MRGBP: variants seen among roughly 807,000 people sequenced by gnomAD.
MRGBP encodes the protein MRG/MORF4L-binding protein.
In MRGBP, 5 loss-of-function variants were observed where a neutral mutation model predicts 21.5. The ratio of observed to expected loss-of-function variants is 0.23; its 90% confidence interval spans 0.12 to 0.49. The LOEUF (loss-of-function observed/expected upper bound fraction) is 0.49. MRGBP is among the 20% of genes least tolerant of loss of function. MRGBP has a pLI of 0.98. For synonymous variants in MRGBP, 118 were observed against 104.4 expected (o/e 1.13, Z -0.79); for missense variants, 227 against 277.4 (o/e 0.82, Z 1.29).
In MRGBP at chr20:62,799,779, G is replaced by C. The variant is rs1490074372; in HGVS notation, c.*136G>C. 1.0e-6 allele frequency: 1 copy of C among 968,508 alleles called. No individual in the cohort carries two copies. The highest frequency in any genetic ancestry group is 1.5e-6 in the Non-Finnish European group (1 of 671,870). 60.0% of individuals were successfully genotyped at this position (968,508 alleles called of 1,614,324 possible). On this transcript the variant is annotated 3_prime_UTR_variant, in exon 5 of 5. Coordinates refer to ENST00000370487, the MANE Select transcript of MRGBP (RefSeq NM_018270.6). ...ATGAGCCCACACTGCCCGCCCTCAG[G>C]CTCTCAGGTGAACGTGGCCGTCAGC... is the stretch of plus-strand genomic sequence containing the variant.
chr20:62,799,378 A>ATTTT, intron 4 of MRGBP, 78 bp from the exon 5 acceptor site: 1 of 1,492,280 alleles, frequency 6.7e-7, no homozygotes, highest in Non-Finnish European at 9.1e-7. Flanking sequence ...CAGTATGCAG[A>ATTTT]TTTTTTTAAC....
Position 62,798,627 on chromosome 20 carries a change from A to G in MRGBP, c.311A>G (p.Asn104Ser). The G allele has an allele frequency of 6.2e-7, 1 of 1,613,852 alleles. No individual in the cohort carries two copies. Among genetic ancestry groups the G allele is most frequent in the Non-Finnish European group, 8.5e-7 (1 of 1,179,904 alleles). ...EILPFPNPERNFVLPEEIIQE... is the reference protein window; with the variant it reads ...EILPFPNPERSFVLPEEIIQE... ...CTTCCATTCCCGAATCCAGAGAGGA[A>G]CTTCGTCCTTCCAGAAGAGATCATT... Residue 104 changes from asparagine to serine, a missense_variant, in exon 3 of 5, where the codon AAC becomes AGC. Asn to Ser is a conservative substitution (Grantham distance 46). Coordinates refer to ENST00000370487, the MANE Select transcript of MRGBP (RefSeq NM_018270.6).
In MRGBP at chr20:62,799,773, CCTCAGGCT is replaced by C; in HGVS notation, c.*137_*144del. The C allele has an allele frequency of 9.7e-7, 1 of 1,026,094 alleles. No homozygotes were observed. Among genetic ancestry groups the C allele is most frequent in the South Asian group, 1.6e-5 (1 of 60,684 alleles). 63.6% of individuals were successfully genotyped at this position (1,026,094 alleles called of 1,614,324 possible). ...AGTGCCATGAGCCCACACTGCCCGC[CCTCAGGCT>C]CTCAGGTGAACGTGGCCGTCAGCGG... On this transcript the variant is annotated 3_prime_UTR_variant, in exon 5 of 5. Transcript: ENST00000370487.
intron 1 of MRGBP, 48 bp from the exon 2 acceptor site, chr20:62,797,062 T>A: frequency 9.9e-6 from 13 of 1,315,172 alleles, no homozygotes; most frequent in East Asian, 7.6e-5. Flanking sequence ...CTCCATCCCC[T>A]TTCTCCTCAC....
chr20:62,800,766 G>A lies in MRGBP; in HGVS notation c.*1123G>A, dbSNP rs1006984117. 4.6e-5 allele frequency: 7 copies of A among 152,336 alleles called. No individual in the cohort carries two copies. Among genetic ancestry groups the A allele is most frequent in the African/African-American group, 1.7e-4 (7 of 41,574 alleles). 9.4% of individuals were successfully genotyped at this position (152,336 alleles called of 1,614,324 possible). On this transcript the variant is annotated 3_prime_UTR_variant, in exon 5 of 5. Coordinates refer to ENST00000370487, the MANE Select transcript of MRGBP (RefSeq NM_018270.6). ...ATTCTGAGTGGTTATTTTGTGGACT[G>A]TGACAAGCACTTCAAATACAAAATG...
intron 1 of MRGBP, 30 bp from the exon 2 acceptor site, chr20:62,797,080 C>A: frequency 6.3e-7 from 1 of 1,576,352 alleles, no homozygotes; most frequent in Non-Finnish European, 8.6e-7. Flanking sequence ...CACCGCTCAC[C>A]GGTTATCCCG....
intron 1 of MRGBP, 64 bp from the exon 2 acceptor site, chr20:62,797,046 C>T (rs564388423): frequency 1.5e-5 from 22 of 1,517,140 alleles, no homozygotes; most frequent in African/African-American, 1.4e-5. Flanking sequence ...CAGGGCAGCC[C>T]GTCCCCTCCA....
In MRGBP at chr20:62,797,225, G is replaced by A. The variant is rs749137364; in HGVS notation, c.264G>A (p.Gln88=). ...ATCTGAGCACCATGTACGACATGCA[G>A]GCGCTGGTGAGCCCAACCGCCCTCC... ...WDHLSTMYDM[Q]ALHESEILPF... is the part of the protein sequence containing the mutation. Residue 88 remains glutamine, a synonymous_variant, in exon 2 of 5, where the codon CAG becomes CAA. Transcript: ENST00000370487. The A allele has an allele frequency of 6.3e-7, 1 of 1,585,356 alleles. No homozygotes were observed. Among genetic ancestry groups the A allele is most frequent in the Non-Finnish European group, 8.6e-7 (1 of 1,167,250 alleles).
rs762981386 is a variant in MRGBP at position 62,801,727 on chromosome 20, C to T, written c.*2084C>T. 3.9e-5 allele frequency: 6 copies of T among 152,266 alleles called. No individual in the cohort carries two copies. The East Asian group carries it at 7.7e-4, about 20-fold the overall frequency. 9.4% of individuals were successfully genotyped at this position (152,266 alleles called of 1,614,324 possible). A position where few individuals can be genotyped will look rare whatever the true frequency, so the allele number is the denominator to read the frequency against. ...CCTAGTTAATAAATCTGCCTCATCT[C>T]GATTACTGTAACATTTTGCTGCACT... On this transcript the variant is annotated 3_prime_UTR_variant, in exon 5 of 5. Coordinates refer to ENST00000370487, the MANE Select transcript of MRGBP (RefSeq NM_018270.6).
In MRGBP at chr20:62,797,096, C is replaced by T. The variant is rs1399374912; in HGVS notation, c.149-14C>T. On this transcript the variant is annotated splice_polypyrimidine_tract_variant and intron_variant, in intron 1 of 4. Coordinates refer to ENST00000370487, the MANE Select transcript of MRGBP (RefSeq NM_018270.6). ...ACCGCTCACCGGTTATCCCGCCGCC[C>T]CTCCTCCCCTCAGGTGTGAACCGAC... is the stretch of plus-strand genomic sequence containing the variant. The T allele has an allele frequency of 1.9e-6, 3 of 1,588,882 alleles. No individual in the cohort carries two copies. Among genetic ancestry groups the T allele is most frequent in the Non-Finnish European group, 1.7e-6 (2 of 1,169,314 alleles).
intron 1 of MRGBP, 61 bp from the exon 2 acceptor site, chr20:62,797,049 C>T (rs1185165528): frequency 8.0e-6 from 12 of 1,498,238 alleles, no homozygotes; most frequent in African/African-American, 5.9e-5. Flanking sequence ...GGCAGCCCGT[C>T]CCCTCCATCC....
Position 62,797,190 on chromosome 20 carries a change from A to G in MRGBP, c.229A>G (p.Ile77Val). Residue 77 changes from isoleucine to valine, a missense_variant, in exon 2 of 5, where the codon ATC becomes GTC. Physicochemically the swap from Ile to Val is conservative, Grantham distance 29. Around this residue, in one of 2 missense-constraint regions of MRGBP, gnomAD observed 162 missense variants for 227.7 expected, o/e 0.71. Coordinates refer to ENST00000370487, the MANE Select transcript of MRGBP (RefSeq NM_018270.6). ...NIGRQVPSKV[I>V]WDHLSTMYDM... ...CGGGCGGCAGGTCCCATCCAAGGTCATCTGGGACCATCTGAGCACCATGTA... is the reference window on the plus strand; with the variant it reads ...CGGGCGGCAGGTCCCATCCAAGGTCGTCTGGGACCATCTGAGCACCATGTA... 1 of 1,603,952 alleles carries G rather than the reference A, an allele frequency of 6.2e-7. No homozygotes were observed. Among genetic ancestry groups the G allele is most frequent in the Non-Finnish European group, 8.5e-7 (1 of 1,176,456 alleles).
At chr20:62,797,541 G>C (rs1600763833) in intron 2 of MRGBP, among the ~76,000 whole-genome samples, 1 of 152,232 alleles carries the variant, frequency 6.6e-6, no homozygotes, top group East Asian at 1.9e-4. Context: ...CTAGCAGCTG[G>C]CTAGCTTTTC....
intron 2 of MRGBP, among the ~76,000 whole-genome samples, chr20:62,798,251 G>A (rs193112463): frequency 9.8e-5 from 15 of 152,300 alleles, no homozygotes; most frequent in African/African-American, 2.6e-4. Context: ...ACTGCAGGCC[G>A]TGCTGGGCAG....
Position 62,797,184 on chromosome 20 carries a change from A to C in MRGBP, c.223A>C (p.Lys75Gln). 1 of 1,605,314 alleles carries C rather than the reference A, an allele frequency of 6.2e-7. No individual in the cohort carries two copies. The highest frequency in any genetic ancestry group is 1.1e-5 in the South Asian group (1 of 90,216). Residue 75 changes from lysine to glutamine, a missense_variant, in exon 2 of 5, where the codon AAG becomes CAG. This residue lies in a region of MRGBP where 162 missense variants were observed against 227.7 expected (regional missense o/e 0.71). Coordinates refer to ENST00000370487, the MANE Select transcript of MRGBP (RefSeq NM_018270.6). ...SQNIGRQVPS[K>Q]VIWDHLSTMY... ...GAACATCGGGCGGCAGGTCCCATCCAAGGTCATCTGGGACCATCTGAGCAC... is the reference window on the plus strand; with the variant it reads ...GAACATCGGGCGGCAGGTCCCATCCCAGGTCATCTGGGACCATCTGAGCAC...
rs527666402 is a variant in MRGBP at position 62,797,883 on chromosome 20, G to T, written c.270+652G>T. 9.8e-4 allele frequency among the ~76,000 whole-genome samples: 149 copies of T among 152,262 alleles called. 1 individual carries two copies. The highest frequency in any genetic ancestry group is 2.0e-3 in the Admixed American group (30 of 15,300). On this transcript the variant is annotated intron_variant, in intron 2 of 4. Coordinates refer to ENST00000370487, the MANE Select transcript of MRGBP (RefSeq NM_018270.6). ...GCAGCAGGAGGTGGTGGGTCCAGGA[G>T]CTCAAAGAAGGTGGTGTACTTGGAG...
chr20:62,797,374 T>A, intron 2 of MRGBP, 143 bp downstream of exon 2: 1 of 1,182,950 alleles, frequency 8.5e-7, no homozygotes, highest in Non-Finnish European at 1.1e-6. Flanking sequence ...CCATGCCTGC[T>A]GGGGTCTGCA....
intron 2 of MRGBP, 135 bp downstream of exon 2, chr20:62,797,366 A>G (rs1290038198): frequency 4.9e-6 from 6 of 1,216,648 alleles, no homozygotes; most frequent in East Asian, 3.0e-5. Flanking sequence ...AGGCCCCTCC[A>G]TGCCTGCTGG....
In MRGBP at chr20:62,799,567, G is replaced by T; in HGVS notation, c.539G>T (p.Ser180Ile). Residue 180 changes from serine (S) to isoleucine (I), a missense_variant, in exon 5 of 5, where the codon AGC becomes ATC. By Grantham distance (142) the Ser-to-Ile change is moderately radical (BLOSUM62 -2). Around this residue, in one of 2 missense-constraint regions of MRGBP, gnomAD observed 162 missense variants for 227.7 expected, o/e 0.71. Transcript: ENST00000370487. ...CKEGADKRKRSRVTDKVLTAN... is the reference protein window; with the variant it reads ...CKEGADKRKRIRVTDKVLTAN... ...GAAGGCGCAGACAAGCGGAAGCGCA[G>T]CCGGGTCACCGACAAAGTCCTGACC... 1.2e-6 allele frequency: 2 copies of T among 1,613,786 alleles called. No homozygotes were observed. The highest frequency in any genetic ancestry group is 2.2e-5 in the South Asian group (2 of 91,090).
Sources: gnomAD v4.1 joint callset for allele counts (sites outside exome capture counted in the v4.1 genomes callset) on GRCh38, gnomAD v4.1.1 for gene constraint, gnomAD v4.1.1 regional missense constraint, MANE v1.5 for transcripts, NCBI Gene and HGNC (gene_info 2026-07-23, HGNC 2026-07-21) for gene names.